Variants in RBPJ observed in about 807,000 individuals in gnomAD.
RBPJ encodes the protein recombining binding protein suppressor of hairless.
In RBPJ, 9 loss-of-function variants were observed where a neutral mutation model predicts 67.8. The ratio of observed to expected loss-of-function variants is 0.13; its 90% CI spans 0.08 to 0.23. The LOEUF (loss-of-function observed/expected upper bound fraction) is 0.23, where lower values mean the gene tolerates loss of function less well. Ranked by LOEUF, RBPJ falls within the 10% of genes least tolerant of loss-of-function variation. The pLI, the probability that RBPJ is intolerant of heterozygous loss-of-function variation, is 1.00. For missense variants in RBPJ, 305 were observed against 595.6 expected, an observed-to-expected ratio of 0.51 and a Z score of 5.08; for synonymous variants, 198 against 203.3, an observed-to-expected ratio of 0.97 and a Z score of 0.22.
chr4:26,306,643 G>C (rs903726071), intron 1 of RBPJ, among the ~76,000 whole-genome samples: 7 of 151,618 alleles, frequency 4.6e-5, no homozygotes, highest in Non-Finnish European at 1.0e-4. Flanking sequence ...TAGAGGCGGG[G>C]TTTCATCCTG....
chr4:26,202,732 A>T (rs1302972298), intron 1 of RBPJ, among the ~76,000 whole-genome samples: 1 of 151,926 alleles, frequency 6.6e-6, no homozygotes, highest in Non-Finnish European at 1.5e-5. Flanking sequence ...ACATGGCAAA[A>T]TCCCATCTTT....
Position 26,407,787 on chromosome 4 carries a change from A to G in RBPJ, c.155+1517A>G, listed in dbSNP as rs1053331220. Among the ~76,000 whole-genome samples the G allele has an allele frequency of 4.0e-5, 6 of 150,996 alleles. No individual in the cohort carries two copies. The East Asian group carries it at 1.2e-3, about 30-fold the overall frequency. The stretch of plus-strand genomic sequence containing the variant: ...TTAAGAGAAGGGAAATGTAATATGT[A>G]TGTGATTAAATTAATTTACATGTTA... On this transcript the variant is annotated intron_variant, in intron 3 of 10. Transcript: ENST00000355476.
At chr4:26,330,415 T>C (rs866263902) in intron 1 of RBPJ, among the ~76,000 whole-genome samples, 1 of 152,198 alleles carries the variant, frequency 6.6e-6, no homozygotes, top group South Asian at 2.1e-4. Context: ...AAAGCTGACA[T>C]TCAGCATAGA....
chr4:26,382,489 T>C (rs1051520467), intron 1 of RBPJ, among the ~76,000 whole-genome samples: 2 of 152,246 alleles, frequency 1.3e-5, no homozygotes, highest in Non-Finnish European at 2.9e-5. Flanking sequence ...ATTTATTAAG[T>C]AATTAGAATT....
intron 1 of RBPJ, among the ~76,000 whole-genome samples, chr4:26,286,346 G>C (rs775822535): frequency 1.3e-4 from 20 of 151,824 alleles, no homozygotes; most frequent in Non-Finnish European, 2.4e-4. Context: ...ATGCGTGGTG[G>C]TGAGCACCTG....
intron 1 of RBPJ, among the ~76,000 whole-genome samples, chr4:26,174,494 G>C (rs1716725498): frequency 6.6e-6 from 1 of 152,064 alleles, no homozygotes; most frequent in Non-Finnish European, 1.5e-5. Context: ...ATTTGAGATG[G>C]AGTCTTACTC....
intron 1 of RBPJ, among the ~76,000 whole-genome samples, chr4:26,329,857 GCACTC>G (rs1481413489): frequency 6.6e-6 from 1 of 151,504 alleles, no homozygotes. Flanking sequence ...TCACGCCACT[GCACTC>G]CAGCCTGGGC....
At chr4:26,238,986 C>T (rs542061788) in intron 1 of RBPJ, among the ~76,000 whole-genome samples, 5 of 152,120 alleles carry the variant, frequency 3.3e-5, no homozygotes, top group East Asian at 1.9e-4. Flanking sequence ...AGGAACAGGG[C>T]GGCACCATTT....
At chr4:26,397,506 A>T (rs546995210) in intron 2 of RBPJ, among the ~76,000 whole-genome samples, 1 of 152,302 alleles carries the variant, frequency 6.6e-6, no homozygotes, top group African/African-American at 2.4e-5. Flanking sequence ...TTCCTTAAAA[A>T]CTTTTAAAAA....
the RBPJ span, among the ~76,000 whole-genome samples, chr4:26,106,000 G>A: frequency 6.6e-6 from 1 of 152,182 alleles, no homozygotes; most frequent in African/African-American, 2.4e-5. Context: ...AAGAGGCTAT[G>A]ATGCAATCTG....
chr4:26,292,801 T>C (rs1721716037), intron 1 of RBPJ, among the ~76,000 whole-genome samples: 1 of 150,504 alleles, frequency 6.6e-6, no homozygotes, highest in Non-Finnish European at 1.5e-5. Context: ...TATATACATA[T>C]ATATATATAT....
rs1053666520 is a variant in RBPJ, at chr4:26,247,060, T to A, written c.-167+83446T>A. On this transcript the variant is annotated intron_variant, in intron 1 of 4. Transcript: ENST00000512351. ...CAATCATGGCTCACTGCAGCCTCAA[T>A]CTCCCAGGCTCAAGCAATTAATATA... Among the ~76,000 whole-genome samples, 53 of 146,978 alleles carry A rather than the reference T, an allele frequency of 3.6e-4. 1 individual carries two copies. Among genetic ancestry groups the A allele is most frequent in the Admixed American group, 6.9e-4 (10 of 14,498 alleles).
chr4:26,183,441 C>T (rs1717093279), intron 1 of RBPJ, among the ~76,000 whole-genome samples: 1 of 152,182 alleles, frequency 6.6e-6, no homozygotes, highest in Admixed American at 6.5e-5. Flanking sequence ...TGTTAATAAC[C>T]ACCTGCCCCA....
intron 1 of RBPJ, among the ~76,000 whole-genome samples, chr4:26,292,014 C>G (rs1340684247): frequency 6.6e-6 from 1 of 150,802 alleles, no homozygotes; most frequent in Non-Finnish European, 1.5e-5. Context: ...GAAATGATTA[C>G]CACAATCAAG....
the RBPJ span, among the ~76,000 whole-genome samples, chr4:26,130,858 G>A: frequency 6.6e-6 from 1 of 152,166 alleles, no homozygotes; most frequent in African/African-American, 2.4e-5. Flanking sequence ...TACAAATAGA[G>A]TACAAGCAAC....
At chr4:26,157,519 AAAATC>A in the RBPJ span, among the ~76,000 whole-genome samples, 6 of 152,252 alleles carry the variant, frequency 3.9e-5, no homozygotes, top group Non-Finnish European at 8.8e-5. Context: ...CTTTCAAAGA[AAAATC>A]AAAAGATTTT....
In RBPJ at chr4:26,431,188, A is replaced by AAAAAAAAAAAAAAAAAAAAAAAAAAG. The variant is rs1736193748; in HGVS notation, c.*204_*205insAAGAAAAAAAAAAAAAAAAAAAAAAA. 1 of 275,944 alleles carries AAAAAAAAAAAAAAAAAAAAAAAAAAG rather than the reference A, an allele frequency of 3.6e-6. No individual in the cohort carries two copies. The highest frequency in any genetic ancestry group is 2.3e-5 in the African/African-American group (1 of 44,160). The allele number at this position is 275,944 out of a possible 1,614,324, so 17.1% of individuals were successfully genotyped here. ...TTTGAAATGCAGAAGCCACAGTAAA[A>AAAAAAAAAAAAAAAAAAAAAAAAAAG]AAAAAAAAAAAAAAAAAAAAAAAGA... On this transcript the variant is annotated 3_prime_UTR_variant, in exon 11 of 11. Transcript: ENST00000355476.
chr4:26,301,880 C>A (rs1457734406), intron 1 of RBPJ, among the ~76,000 whole-genome samples: 1 of 152,020 alleles, frequency 6.6e-6, no homozygotes, highest in Non-Finnish European at 1.5e-5. Context: ...GCAACCTCCA[C>A]TTCCTGGGTT....
chr4:26,165,695 A>G (rs193235709), intron 1 of RBPJ, among the ~76,000 whole-genome samples: 1 of 136,694 alleles, frequency 7.3e-6, no homozygotes, highest in African/African-American at 2.5e-5. Context: ...AAAAACATAT[A>G]TTTTTTCATT....
Sources: gnomAD v4.1 joint callset for allele counts (sites outside exome capture counted in the v4.1 genomes callset) on GRCh38, gnomAD v4.1.1 for gene constraint, MANE v1.5 for transcripts, NCBI Gene and HGNC (gene_info 2026-07-23, HGNC 2026-07-21) for gene names.